KIF13B: variants seen among roughly 807,000 people sequenced by gnomAD.
KIF13B encodes the protein kinesin-like protein KIF13B.
KIF13B carries 127 observed loss-of-function variants against 222.0 expected under a neutral mutation model. The observed-to-expected ratio is 0.57, with a 90% CI of 0.50 to 0.66. KIF13B has a LOEUF of 0.66. Among genes scored for constraint, KIF13B ranks in the 30% least tolerant of loss-of-function variants. KIF13B has a pLI of 0.00. For synonymous variants in KIF13B, 976 were observed against 919.0 expected, an observed-to-expected ratio of 1.06 and a Z score of -1.12; for missense variants, 2,173 against 2,379.0, an observed-to-expected ratio of 0.91 and a Z score of 1.80.
At chr8:29,092,599 G>A (rs988318892) in intron 37 of KIF13B, 146 bp downstream of exon 37, 27 of 753,358 alleles carry the variant, frequency 3.6e-5, no homozygotes, top group Non-Finnish European at 4.6e-5. Flanking sequence ...AGAGAGTGGC[G>A]GAGAAAAGAC....
At chr8:29,233,941 CAGTTA>C (rs1815394567) in intron 2 of KIF13B, among the ~76,000 whole-genome samples, 1 of 151,404 alleles carries the variant, frequency 6.6e-6, no homozygotes, top group African/African-American at 2.4e-5. Context: ...GAAAAATAGA[CAGTTA>C]AGAGTTAGCA....
chr8:29,133,407 G>A (rs138060551), intron 22 of KIF13B, among the ~76,000 whole-genome samples: 160 of 152,250 alleles, frequency 1.1e-3, no homozygotes, highest in African/African-American at 3.6e-3. Context: ...TGGCCAACAC[G>A]GTGAAACCTT....
intron 2 of KIF13B, among the ~76,000 whole-genome samples, chr8:29,214,163 T>C (rs1814369470): frequency 1.3e-5 from 2 of 152,318 alleles, no homozygotes; most frequent in South Asian, 4.1e-4. Context: ...ATTAACACTG[T>C]GCACTTAGGC....
intron 26 of KIF13B, among the ~76,000 whole-genome samples, chr8:29,124,410 A>G (rs1810016314): frequency 6.6e-6 from 1 of 152,204 alleles, no homozygotes. Context: ...AAAATCTTCT[A>G]AAAGGTCTCT....
intron 38 of KIF13B, among the ~76,000 whole-genome samples, chr8:29,073,325 C>T (rs547688762): frequency 4.2e-4 from 64 of 152,280 alleles, no homozygotes; most frequent in African/African-American, 1.5e-3. Flanking sequence ...CAAGTGAGGC[C>T]AGCAGCTCTC....
chr8:29,213,950 T>A (rs1266791646), intron 2 of KIF13B, among the ~76,000 whole-genome samples: 1 of 151,810 alleles, frequency 6.6e-6, no homozygotes, highest in Non-Finnish European at 1.5e-5. Flanking sequence ...CAAGACTCCA[T>A]CTCAAAAAAA....
At chr8:29,221,825 T>C (rs185812620) in intron 2 of KIF13B, among the ~76,000 whole-genome samples, 138 of 152,316 alleles carry the variant, frequency 9.1e-4, no homozygotes, top group African/African-American at 3.0e-3. Context: ...AACATATCCA[T>C]TGGTATCAAA....
intron 37 of KIF13B, among the ~76,000 whole-genome samples, chr8:29,090,474 C>T (rs757222153): frequency 4.6e-5 from 7 of 152,204 alleles, no homozygotes; most frequent in African/African-American, 9.6e-5. Flanking sequence ...GGAAGTCAGG[C>T]GAAGGAAGTT....
intron 31 of KIF13B, among the ~76,000 whole-genome samples, chr8:29,115,780 G>T (rs562782928): frequency 2.0e-5 from 3 of 152,072 alleles, no homozygotes; most frequent in Non-Finnish European, 4.4e-5. Flanking sequence ...GCCCCGTCCT[G>T]CCCTGCCCTC....
chr8:29,195,171 C>T (rs975292460), intron 3 of KIF13B, among the ~76,000 whole-genome samples: 1 of 152,220 alleles, frequency 6.6e-6, no homozygotes, highest in East Asian at 1.9e-4. Context: ...TTGCTTGAAC[C>T]CAGGAGGCAA....
chr8:29,240,564 T>G (rs796778060), intron 2 of KIF13B, among the ~76,000 whole-genome samples: 1 of 152,222 alleles, frequency 6.6e-6, no homozygotes, highest in Non-Finnish European at 1.5e-5. Context: ...GTATATTATG[T>G]TTTTTAATTT....
At position 29,149,883 on chromosome 8, in the gene KIF13B, C is replaced by T. The variant is rs140900957; in HGVS notation, c.1622+414G>A. On this transcript the variant is annotated intron_variant, in intron 15 of 39. Coordinates refer to ENST00000524189, the MANE Select transcript of KIF13B (RefSeq NM_015254.4). Reference sequence around the variant, plus strand: ...CCCATTACAGTAAAATTTGCCATGACTTAGAGCTGAAAAGAATTCCTAAAA... The same window carrying T: ...CCCATTACAGTAAAATTTGCCATGATTTAGAGCTGAAAAGAATTCCTAAAA... Among the ~76,000 whole-genome samples, 730 of 152,134 alleles carry T rather than the reference C, an allele frequency of 4.8e-3. 3 individuals are homozygous for T. The highest frequency in any genetic ancestry group is 0.016 in the African/African-American group (680 of 41,488).
At chr8:29,159,307 C>A (rs1056393800) in intron 13 of KIF13B, among the ~76,000 whole-genome samples, 6 of 152,032 alleles carry the variant, frequency 3.9e-5, no homozygotes, top group African/African-American at 1.4e-4. Context: ...TGTACCACCA[C>A]CCCGGCTAAT....
intron 38 of KIF13B, 149 bp from the exon 39 acceptor site, chr8:29,072,465 G>T: frequency 2.2e-6 from 1 of 451,278 alleles, no homozygotes; most frequent in Admixed American, 4.4e-5. Flanking sequence ...ACGGAAGATC[G>T]CTTGAGCCCA....
intron 30 of KIF13B, 39 bp from the exon 31 acceptor site, chr8:29,117,046 T>A: frequency 6.7e-6 from 10 of 1,502,648 alleles, no homozygotes; most frequent in Non-Finnish European, 9.0e-6. Context: ...TTCTCTCTTC[T>A]CCAGAAACAT....
chr8:29,122,493 G>C lies in KIF13B; in HGVS notation c.3535+98C>G, dbSNP rs1809916815. The C allele has an allele frequency of 3.2e-6, 3 of 933,722 alleles. No individual in the cohort carries two copies. The South Asian group carries it at 4.4e-5, about 14-fold the overall frequency. 57.8% of individuals were successfully genotyped at this position (933,722 alleles called of 1,614,324 possible). The stretch of plus-strand genomic sequence containing the variant: ...CGTCAAACTGGCTCTAGCCTTAGGG[G>C]GACAGAATTGCCTCACGATGCACTT... On this transcript the variant is annotated intron_variant, in intron 29 of 39. Coordinates refer to ENST00000524189, the MANE Select transcript of KIF13B (RefSeq NM_015254.4).
At chr8:29,249,127 G>A (rs547651291) in intron 1 of KIF13B, among the ~76,000 whole-genome samples, 21 of 151,842 alleles carry the variant, frequency 1.4e-4, no homozygotes, top group Non-Finnish European at 2.5e-4. Context: ...CCTTATCTCC[G>A]CTACTAAAAG....
chr8:29,224,553 CTAATACTA>C (rs1457826010), intron 2 of KIF13B, among the ~76,000 whole-genome samples: 1 of 152,140 alleles, frequency 6.6e-6, no homozygotes, highest in Admixed American at 6.5e-5. Context: ...ACAGGTACTG[CTAATACTA>C]TAATTCATTA....
intron 1 of KIF13B, chr8:29,250,141 C>A: frequency 1.1e-6 from 1 of 902,292 alleles, no homozygotes; most frequent in Non-Finnish European, 1.6e-6. Context: ...GACTCACCAC[C>A]CACCACAAAG....
Sources: allele counts gnomAD v4.1 joint callset (sites outside exome capture counted in the v4.1 genomes callset), GRCh38; gene constraint gnomAD v4.1.1; transcripts MANE v1.5; gene names NCBI Gene and HGNC (gene_info 2026-07-23, HGNC 2026-07-21).